AGBL4: variants seen among roughly 807,000 people sequenced by gnomAD.
AGBL4 encodes cytosolic carboxypeptidase 6.
A neutral mutation model predicts 66.4 loss-of-function variants in AGBL4; 58 were observed. The observed-to-expected ratio is 0.87, with a 90% CI of 0.71 to 1.09. AGBL4 has a LOEUF of 1.09. Among genes scored for constraint, AGBL4 ranks in the 50% least tolerant of loss-of-function variants. The probability of loss-of-function intolerance (pLI) is 0.00; values close to 1 mark genes in which losing one functional copy is unlikely to be tolerated. For missense variants in AGBL4, 579 were observed against 631.0 expected, an observed-to-expected ratio of 0.92 and a Z score of 0.88; for synonymous variants, 234 against 222.9, an observed-to-expected ratio of 1.05 and a Z score of -0.44.
chr1:49,085,576 G>A (rs1460443057), intron 4 of AGBL4, among the ~76,000 whole-genome samples: 2 of 151,990 alleles, frequency 1.3e-5, no homozygotes, highest in East Asian at 3.9e-4. Flanking sequence ...AAAAGGGCTA[G>A]TGAACATTGA....
At chr1:49,890,886 G>A (rs1488460598) in intron 1 of AGBL4, among the ~76,000 whole-genome samples, 1 of 152,134 alleles carries the variant, frequency 6.6e-6, no homozygotes, top group Non-Finnish European at 1.5e-5. Flanking sequence ...AGATTTTATT[G>A]TTTAGTCAAT....
At chr1:49,844,088 T>C (rs1337137736) in intron 2 of AGBL4, among the ~76,000 whole-genome samples, 1 of 152,202 alleles carries the variant, frequency 6.6e-6, no homozygotes, top group South Asian at 2.1e-4. Context: ...CAAAGTACTT[T>C]AATACACCAA....
intron 4 of AGBL4, among the ~76,000 whole-genome samples, chr1:49,108,438 G>A (rs1645340432): frequency 6.6e-6 from 1 of 152,186 alleles, no homozygotes; most frequent in Non-Finnish European, 1.5e-5. Flanking sequence ...AGAAGGGAAA[G>A]GTGGGGGAAT....
intron 3 of AGBL4, among the ~76,000 whole-genome samples, chr1:49,365,030 C>G (rs923998926): frequency 6.6e-6 from 1 of 152,102 alleles, no homozygotes; most frequent in Non-Finnish European, 1.5e-5. Flanking sequence ...TAGTCCTACT[C>G]CATTATTACT....
chr1:49,819,189 C>A (rs1464300800), intron 2 of AGBL4, among the ~76,000 whole-genome samples: 1 of 152,020 alleles, frequency 6.6e-6, no homozygotes, highest in Non-Finnish European at 1.5e-5. Context: ...ACCTTTTGAC[C>A]CCCTGAAAAT....
intron 3 of AGBL4, among the ~76,000 whole-genome samples, chr1:49,644,712 A>G (rs1645851176): frequency 6.6e-6 from 1 of 151,586 alleles, no homozygotes; most frequent in African/African-American, 2.4e-5. Flanking sequence ...TGGAACAACT[A>G]GATAGAAAAT....
chr1:49,211,296 C>A (rs1457188960), intron 4 of AGBL4, among the ~76,000 whole-genome samples: 2 of 152,008 alleles, frequency 1.3e-5, no homozygotes, highest in Non-Finnish European at 2.9e-5. Flanking sequence ...TCTCATTCAT[C>A]CACAACCAAC....
chr1:49,728,297 T>C (rs1052186630), intron 2 of AGBL4, among the ~76,000 whole-genome samples: 11 of 152,294 alleles, frequency 7.2e-5, no homozygotes, highest in African/African-American at 2.6e-4. Context: ...AGAGCTGTCA[T>C]ACAATTTAAA....
intron 4 of AGBL4, among the ~76,000 whole-genome samples, chr1:49,097,775 T>C (rs1645133036): frequency 6.6e-6 from 1 of 152,352 alleles, no homozygotes; most frequent in East Asian, 1.9e-4. Flanking sequence ...GAGACGAGGT[T>C]TCGCCATGTT....
chr1:49,773,998 A>T (rs1389647427), intron 2 of AGBL4, among the ~76,000 whole-genome samples: 1 of 152,178 alleles, frequency 6.6e-6, no homozygotes, highest in African/African-American at 2.4e-5. Flanking sequence ...TGTGGCACGT[A>T]AGCGGTAGAA....
chr1:48,708,887 C>T (rs1290450500), intron 6 of AGBL4, among the ~76,000 whole-genome samples: 1 of 152,204 alleles, frequency 6.6e-6, no homozygotes, highest in African/African-American at 2.4e-5. Flanking sequence ...GCCTTTCCTG[C>T]ATACTCAGTC....
intron 3 of AGBL4, among the ~76,000 whole-genome samples, chr1:49,632,837 G>A (rs1025562270): frequency 2.6e-5 from 2 of 76,974 alleles, no homozygotes; most frequent in Admixed American, 1.3e-4. Flanking sequence ...CTAGAACAGT[G>A]TGCCTAGGCG....
At chr1:48,563,978 G>A (rs1005727202) in intron 11 of AGBL4, among the ~76,000 whole-genome samples, 4 of 152,164 alleles carry the variant, frequency 2.6e-5, no homozygotes, top group African/African-American at 9.7e-5. Flanking sequence ...TCCCACATTT[G>A]TGTACCTTCT....
In AGBL4 at chr1:49,260,888, A is replaced by C. The variant is rs1228812162; in HGVS notation, c.283-15024T>G. Among the ~76,000 whole-genome samples, 15 of 150,564 alleles carry C rather than the reference A, an allele frequency of 1.0e-4. No individual in the cohort carries two copies. The East Asian group carries it at 3.0e-3, about 30-fold the overall frequency. Reference sequence around the variant, plus strand: ...AATTTTAGACCAATATCCTTGATGAACATTGATGCAAAAATCCTCAATAAA... The same window carrying C: ...AATTTTAGACCAATATCCTTGATGACCATTGATGCAAAAATCCTCAATAAA... On this transcript the variant is annotated intron_variant, in intron 3 of 13. Coordinates refer to ENST00000371839, the MANE Select transcript of AGBL4 (RefSeq NM_032785.4).
chr1:49,855,001 C>A (rs1282772681), intron 1 of AGBL4, among the ~76,000 whole-genome samples: 2 of 152,140 alleles, frequency 1.3e-5, no homozygotes, highest in African/African-American at 4.8e-5. Context: ...CTCATTTTCT[C>A]TCCTGCTGCA....
At chr1:49,583,470 T>G (rs1294349121) in intron 3 of AGBL4, among the ~76,000 whole-genome samples, 1 of 152,154 alleles carries the variant, frequency 6.6e-6, no homozygotes, top group Non-Finnish European at 1.5e-5. Flanking sequence ...AGGAGGGGTG[T>G]CATCAAAATT....
At chr1:49,644,626 G>A (rs966374059) in intron 3 of AGBL4, among the ~76,000 whole-genome samples, 2 of 151,428 alleles carry the variant, frequency 1.3e-5, no homozygotes, top group African/African-American at 2.4e-5. Context: ...AAGTGAAACT[G>A]GTAAAAGCTT....
At chr1:49,351,118 A>G (rs748155157) in intron 3 of AGBL4, among the ~76,000 whole-genome samples, 8 of 152,292 alleles carry the variant, frequency 5.3e-5, no homozygotes, top group East Asian at 1.9e-4. Flanking sequence ...AAAGTTCACA[A>G]TGTGAGTCTT....
intron 3 of AGBL4, among the ~76,000 whole-genome samples, chr1:49,656,394 C>T (rs1000678872): frequency 6.6e-6 from 1 of 152,094 alleles, no homozygotes. Flanking sequence ...ACTCCAGGAC[C>T]AGACAGATTC....
Sources: gnomAD v4.1 joint callset for allele counts (sites outside exome capture counted in the v4.1 genomes callset) on GRCh38, gnomAD v4.1.1 for gene constraint, MANE v1.5 for transcripts, NCBI Gene and HGNC (gene_info 2026-07-23, HGNC 2026-07-21) for gene names.